Variants in MAPKBP1 observed in about 807,000 individuals in gnomAD.
The protein encoded by MAPKBP1 is mitogen-activated protein kinase-binding protein 1.
In MAPKBP1, 71 loss-of-function variants were observed where a neutral mutation model predicts 170.5. The ratio of observed to expected loss-of-function variants is 0.42; its 90% CI spans 0.34 to 0.51. The LOEUF is 0.51. MAPKBP1 is among the 20% of genes least tolerant of loss of function. MAPKBP1 has a pLI of 0.06. For synonymous variants in MAPKBP1, 719 were observed against 757.9 expected (o/e 0.95, Z 0.84); for missense variants, 1,598 against 1,933.0 (o/e 0.83, Z 3.25).
rs1377977083 is a variant in MAPKBP1, at chr15:41,816,917, A to C, written c.1593A>C (p.Lys531Asn). The change falls in exon 14 of 31, where the codon AAA (lysine) becomes AAC (asparagine). Residue 531 changes from lysine to asparagine, a missense_variant. By Grantham distance (94) the Lys-to-Asn change is moderately conservative. Coordinates refer to ENST00000457542, the MANE Select transcript of MAPKBP1 (RefSeq NM_014994.3). ...LEYSKPDTGL[K>N]LLASASRDRL... The stretch of plus-strand genomic sequence containing the variant: ...GAGTTCTTTCATCCCCAGGTCTGAA[A>C]CTGCTAGCATCGGCGAGCCGGGACC... The C allele has an allele frequency of 6.2e-7, 1 of 1,607,554 alleles. No individual in the cohort carries two copies. The highest frequency in any genetic ancestry group is 1.3e-5 in the African/African-American group (1 of 74,934).
At chr15:41,809,180 C>T (rs1347273992) in intron 3 of MAPKBP1, among the ~76,000 whole-genome samples, 4 of 151,516 alleles carry the variant, frequency 2.6e-5, no homozygotes, top group African/African-American at 9.7e-5. Flanking sequence ...CCCAGGAGTT[C>T]AAGACCAGCT....
chr15:41,790,734 G>A (rs1030461892), intron 2 of MAPKBP1, among the ~76,000 whole-genome samples: 5 of 152,176 alleles, frequency 3.3e-5, no homozygotes, highest in African/African-American at 1.2e-4. Flanking sequence ...TAGAGACCAG[G>A]AGCAGAGACT....
chr15:41,786,757 T>A (rs2064299118), intron 2 of MAPKBP1, among the ~76,000 whole-genome samples: 4 of 28,436 alleles, frequency 1.4e-4, no homozygotes, highest in South Asian at 1.3e-3. Context: ...AGAGCCAGAC[T>A]CCGTCTAAAA....
intron 2 of MAPKBP1, among the ~76,000 whole-genome samples, chr15:41,778,103 C>T (rs1269828173): frequency 2.6e-5 from 4 of 152,088 alleles, no homozygotes; most frequent in African/African-American, 7.2e-5. Flanking sequence ...TCCTAAGGAT[C>T]GGGGTCATGC....
intron 21 of MAPKBP1, 105 bp downstream of exon 21, chr15:41,819,484 T>C (rs779816813): frequency 3.2e-6 from 5 of 1,563,212 alleles, no homozygotes; most frequent in Non-Finnish European, 4.3e-6. Context: ...CTGAGGAAAC[T>C]GAGGCATCAC....
chr15:41,818,448 A>G lies in MAPKBP1; in HGVS notation c.2093-71A>G. 6.6e-7 allele frequency: 1 copy of G among 1,509,682 alleles called. No individual in the cohort carries two copies. The highest frequency in any genetic ancestry group is 1.4e-5 in the African/African-American group (1 of 73,040). The allele number at this position is 1,509,682 out of a possible 1,614,324, so 93.5% of individuals were successfully genotyped here. A position where few individuals can be genotyped will look rare whatever the true frequency, so the allele number is the denominator to read the frequency against. ...TACCCTGCAGCCAACCCCCGTGTCC[A>G]CTGTTGGGATGGAGAGGACTTGGTT... On this transcript the variant is annotated intron_variant, in intron 18 of 30. Coordinates refer to ENST00000457542, the MANE Select transcript of MAPKBP1 (RefSeq NM_014994.3). The surrounding 1 kb of genome is among the most constrained non-coding windows in gnomAD (Gnocchi z 5.2).
chr15:41,812,783 C>T, intron 7 of MAPKBP1, 130 bp downstream of exon 7: 2 of 1,446,862 alleles, frequency 1.4e-6, no homozygotes, highest in Non-Finnish European at 1.8e-6. Context: ...TTGGATGAGC[C>T]AGATGCTGTC....
Position 41,779,356 on chromosome 15 carries a change from G to A in MAPKBP1, c.114+3967G>A, listed in dbSNP as rs915402899. On this transcript the variant is annotated intron_variant, in intron 2 of 30. Coordinates refer to ENST00000457542, the MANE Select transcript of MAPKBP1 (RefSeq NM_014994.3). ...CTCCTGAGTAGCTGGGATTACAGGC[G>A]CGTGCCACCACGCCGGGCTAATTTT... is the stretch of plus-strand genomic sequence containing the variant. 5.3e-5 allele frequency among the ~76,000 whole-genome samples: 8 copies of A among 152,100 alleles called. No homozygotes were observed. In the East Asian group the frequency reaches 5.8e-4, roughly 11 times the overall value.
rs1182804329 is a variant in MAPKBP1, at chr15:41,813,684, A to G, written c.883A>G (p.Thr295Ala). The G allele has an allele frequency of 1.2e-6, 2 of 1,613,874 alleles. No individual in the cohort carries two copies. The highest frequency in any genetic ancestry group is 8.5e-7 in the Non-Finnish European group (1 of 1,179,976). ...CATCTTCTGTGGCTGTGCTGATGGC[A>G]CCGTGCGCCTTTTCAACCCCTCTAA... The part of the protein sequence containing the change: ...DYIFCGCADG[T>A]VRLFNPSNLH... The change falls in exon 9 of 31, where the codon ACC (threonine) becomes GCC (alanine). Residue 295 changes from threonine (T) to alanine (A), a missense_variant. Physicochemically the swap from Thr to Ala is moderately conservative, Grantham distance 58. Coordinates refer to ENST00000457542, the MANE Select transcript of MAPKBP1 (RefSeq NM_014994.3).
chr15:41,822,526 A>T (rs1450230527), intron 26 of MAPKBP1, 67 bp from the exon 27 acceptor site: 1 of 1,607,032 alleles, frequency 6.2e-7, no homozygotes, highest in Admixed American at 1.7e-5. Context: ...TGGGGGTCTC[A>T]AGGAGGCAAA....
intron 3 of MAPKBP1, among the ~76,000 whole-genome samples, chr15:41,802,735 A>G (rs967305252): frequency 6.6e-5 from 10 of 152,216 alleles, no homozygotes; most frequent in African/African-American, 2.4e-4. Flanking sequence ...TGGCCTCCCA[A>G]AGTGCTGGCA....
intron 5 of MAPKBP1, chr15:41,811,586 G>GC (rs1567147807): frequency 1.6e-6 from 1 of 612,924 alleles, no homozygotes; most frequent in Admixed American, 2.1e-5. Flanking sequence ...ACCCCCGGGG[G>GC]CCCCCTGCTG....
chr15:41,778,746 A>T lies in MAPKBP1; in HGVS notation c.114+3357A>T, dbSNP rs72724158. Among the ~76,000 whole-genome samples, 836 of 152,280 alleles carry T rather than the reference A, an allele frequency of 5.5e-3. 8 individuals are homozygous for T. Among genetic ancestry groups the T allele is most frequent in the East Asian group, 6.6e-3 (34 of 5,190 alleles). ...TTGATAGCTAACCCTCCTCCTCTGAAAGTTTCTGAAAGATTTTTATGTGGA... is the reference window on the plus strand; with the variant it reads ...TTGATAGCTAACCCTCCTCCTCTGATAGTTTCTGAAAGATTTTTATGTGGA... On this transcript the variant is annotated intron_variant, in intron 2 of 30. Coordinates refer to ENST00000457542, the MANE Select transcript of MAPKBP1 (RefSeq NM_014994.3).
At chr15:41,811,123 G>T (rs2064797485) in intron 4 of MAPKBP1, 55 bp from the exon 5 acceptor site, 7 of 1,601,152 alleles carry the variant, frequency 4.4e-6, no homozygotes, top group Admixed American at 3.3e-5. Flanking sequence ...CTGGGAGGGG[G>T]CTAGGCTTAG....
chr15:41,813,317 C>T lies in MAPKBP1; in HGVS notation c.819+216C>T, dbSNP rs769089968. 8.5e-6 allele frequency: 13 copies of T among 1,528,732 alleles called. 1 individual carries two copies. Among genetic ancestry groups the T allele is most frequent in the Middle Eastern group, 3.4e-4 (2 of 5,900 alleles). 94.7% of individuals were successfully genotyped at this position (1,528,732 alleles called of 1,614,324 possible). ...CTTTCTGTCTCTTTCCCCTGCTTTC[C>T]TCTTCCGCTCAGAACATAGACAGCT... On this transcript the variant is annotated intron_variant, in intron 8 of 30. Coordinates refer to ENST00000457542, the MANE Select transcript of MAPKBP1 (RefSeq NM_014994.3).
chr15:41,782,305 G>T, intron 2 of MAPKBP1, among the ~76,000 whole-genome samples: 1 of 150,816 alleles, frequency 6.6e-6, no homozygotes, highest in Middle Eastern at 3.4e-3. Flanking sequence ...CATTAAGAGA[G>T]TGTACAAATA....
intron 2 of MAPKBP1, among the ~76,000 whole-genome samples, chr15:41,786,218 A>G (rs575352519): frequency 1.5e-4 from 23 of 152,306 alleles, no homozygotes; most frequent in Non-Finnish European, 2.6e-4. Context: ...ATAAATACCA[A>G]ACTTGTTAAT....
intron 13 of MAPKBP1, 103 bp downstream of exon 13, chr15:41,816,753 T>C (rs938459031): frequency 1.4e-6 from 2 of 1,441,276 alleles, no homozygotes; most frequent in Middle Eastern, 2.0e-4. Flanking sequence ...TTTGGATCAT[T>C]GGTGTCTTTG....
In MAPKBP1 at chr15:41,814,410, G is replaced by A. The variant is rs534873568; in HGVS notation, c.981-140G>A. 5.3e-5 allele frequency: 39 copies of A among 741,422 alleles called. 1 individual carries two copies. In the South Asian group the frequency reaches 7.2e-4, roughly 14 times the overall value. The allele number at this position is 741,422 out of a possible 1,614,324, so 45.9% of individuals were successfully genotyped here. On this transcript the variant is annotated intron_variant, in intron 9 of 30. Transcript: ENST00000457542. Reference sequence around the variant, plus strand: ...AGGTTCCTGCTGATGGCTAGTAGGGGCTCCTTTCTTCTCTCAAGCAACTAC... The same window carrying A: ...AGGTTCCTGCTGATGGCTAGTAGGGACTCCTTTCTTCTCTCAAGCAACTAC...
Sources: gnomAD v4.1 joint callset for allele counts (sites outside exome capture counted in the v4.1 genomes callset) on GRCh38, gnomAD v4.1.1 for gene constraint, Gnocchi (gnomAD v3.1) non-coding constraint, MANE v1.5 for transcripts, NCBI Gene and HGNC (gene_info 2026-07-23, HGNC 2026-07-21) for gene names.